Variants in OTUD7B observed in about 807,000 individuals in gnomAD.
OTUD7B encodes the protein OTU deubiquitinase 7B, also known as OTU domain-containing protein 7B.
Under a neutral mutation model 82.2 loss-of-function variants are expected in OTUD7B, and 34 were observed. The observed-to-expected ratio is 0.41, with a 90% CI of 0.31 to 0.55. The LOEUF (loss-of-function observed/expected upper bound fraction) is 0.55, where lower values mean the gene tolerates loss of function less well. OTUD7B is among the 20% of genes least tolerant of loss of function. The probability of loss-of-function intolerance (pLI) is 0.20; values close to 1 mark genes in which losing one functional copy is unlikely to be tolerated. For synonymous variants in OTUD7B, 398 were observed against 402.7 expected, an observed-to-expected ratio of 0.99 and a Z score of 0.14; for missense variants, 944 against 1,062.1, an observed-to-expected ratio of 0.89 and a Z score of 1.55.
At chr1:149,949,109 A>C (rs1477197140) in intron 9 of OTUD7B, 26 bp from the exon 10 acceptor site, 4 of 1,373,970 alleles carry the variant, frequency 2.9e-6, no homozygotes, top group Non-Finnish European at 4.2e-6. Flanking sequence ...CATATCATCA[A>C]GGAATCTCCT....
At chr1:150,005,960 C>T (rs1652635441) in intron 1 of OTUD7B, among the ~76,000 whole-genome samples, 1 of 152,158 alleles carries the variant, frequency 6.6e-6, no homozygotes, top group African/African-American at 2.4e-5. Context: ...GGTCTATCAA[C>T]ATATTCAGTG....
chr1:149,965,616 G>A (rs1649474206), intron 5 of OTUD7B, among the ~76,000 whole-genome samples, 161 bp downstream of exon 5: 1 of 152,122 alleles, frequency 6.6e-6, no homozygotes, highest in Non-Finnish European at 1.5e-5. Flanking sequence ...TTCCTCTTGT[G>A]CCAACATAAA....
chr1:150,032,879 C>G, the OTUD7B span, among the ~76,000 whole-genome samples: 1 of 152,160 alleles, frequency 6.6e-6, no homozygotes, highest in East Asian at 1.9e-4. Flanking sequence ...GGAATATAAA[C>G]TCTCCAGTTC....
intron 1 of OTUD7B, among the ~76,000 whole-genome samples, chr1:150,008,259 C>G (rs1245755057): frequency 6.6e-6 from 1 of 152,170 alleles, no homozygotes; most frequent in African/African-American, 2.4e-5. Flanking sequence ...ATAGAATTTA[C>G]CCAGATATCA....
chr1:150,025,753 A>G, the OTUD7B span, among the ~76,000 whole-genome samples: 1 of 152,196 alleles, frequency 6.6e-6, no homozygotes, highest in African/African-American at 2.4e-5. Context: ...CAAATACATT[A>G]TGTCTAATAT....
At chr1:149,977,371 T>G in intron 2 of OTUD7B, 55 bp downstream of exon 2, 1 of 1,275,504 alleles carries the variant, frequency 7.8e-7, no homozygotes, top group Non-Finnish European at 1.1e-6. Context: ...ATCATCCTAA[T>G]GATAAATACC....
At chr1:149,990,509 T>C (rs930282148) in intron 1 of OTUD7B, among the ~76,000 whole-genome samples, 5 of 152,226 alleles carry the variant, frequency 3.3e-5, no homozygotes, top group African/African-American at 1.2e-4. Context: ...TCAAGATGTA[T>C]AAATAGGTCT....
chr1:150,012,120 G>A (rs1344310559), upstream of OTUD7B, among the ~76,000 whole-genome samples: 5 of 152,194 alleles, frequency 3.3e-5, no homozygotes, highest in African/African-American at 7.2e-5. Context: ...GGCTTCAAGC[G>A]TATAAGGGAC....
At chr1:150,024,566 TACA>T in the OTUD7B span, among the ~76,000 whole-genome samples, 1 of 152,200 alleles carries the variant, frequency 6.6e-6, no homozygotes, top group Non-Finnish European at 1.5e-5. Flanking sequence ...GCCTAAGATA[TACA>T]ACAAGAATTA....
intron 2 of OTUD7B, among the ~76,000 whole-genome samples, chr1:149,971,523 G>A (rs1179973399): frequency 6.6e-6 from 1 of 152,000 alleles, no homozygotes; most frequent in Non-Finnish European, 1.5e-5. Context: ...TCTAGTAACC[G>A]AAAATTAAAA....
At chr1:150,018,732 A>G in the OTUD7B span, among the ~76,000 whole-genome samples, 2 of 152,100 alleles carry the variant, frequency 1.3e-5, no homozygotes, top group Non-Finnish European at 2.9e-5. Context: ...AAAAAGACAA[A>G]AGGTGTAAAG....
the OTUD7B span, among the ~76,000 whole-genome samples, chr1:150,022,396 CAAAAAAAAAAAAAA>C: frequency 1.2e-3 from 7 of 6,062 alleles, 1 homozygote; most frequent in Admixed American, 0.018. Flanking sequence ...AAACTCTCTA[CAAAAAAAAAAAAAA>C]AAAAAAAAAA....
chr1:149,991,483 C>T (rs1234541107), intron 1 of OTUD7B, among the ~76,000 whole-genome samples: 1 of 152,120 alleles, frequency 6.6e-6, no homozygotes, highest in Non-Finnish European at 1.5e-5. Flanking sequence ...ATTAATATTT[C>T]ACATTTGGGT....
rs2092739762 is a variant in OTUD7B, at chr1:149,938,358, G to C, written c.*5499C>G. 1 of 150,740 alleles carries C rather than the reference G, an allele frequency of 6.6e-6. No individual in the cohort carries two copies. The highest frequency in any genetic ancestry group is 1.5e-5 in the Non-Finnish European group (1 of 68,014). 9.3% of individuals were successfully genotyped at this position (150,740 alleles called of 1,614,324 possible). On this transcript the variant is annotated 3_prime_UTR_variant, in exon 12 of 12. Coordinates refer to ENST00000581312, the MANE Select transcript of OTUD7B (RefSeq NM_020205.4). The stretch of plus-strand genomic sequence containing the variant: ...CACCTATAATCCCAGCTACTTGGGA[G>C]GCTGAGGCAGGAGAATCGCTTGAAC...
At chr1:149,963,347 A>G (rs1397724640) in intron 6 of OTUD7B, 2 of 152,164 alleles carry the variant, frequency 1.3e-5, no homozygotes, top group Non-Finnish European at 2.9e-5. Flanking sequence ...AGGGAGCCTC[A>G]TTATTTTTAT....
At chr1:150,019,022 C>A in the OTUD7B span, among the ~76,000 whole-genome samples, 1 of 152,154 alleles carries the variant, frequency 6.6e-6, no homozygotes, top group Non-Finnish European at 1.5e-5. Context: ...CTATGGAATA[C>A]CCCGATCTAG....
At chr1:150,027,727 T>TAAA in the OTUD7B span, among the ~76,000 whole-genome samples, 2,967 of 145,954 alleles carry the variant, frequency 0.02, 90 homozygotes, top group African/African-American at 0.067. Context: ...GGATAACTGC[T>TAAA]AAAAAAAAAA....
At chr1:149,955,481 A>G (rs1358160199) in intron 7 of OTUD7B, among the ~76,000 whole-genome samples, 2 of 152,194 alleles carry the variant, frequency 1.3e-5, no homozygotes, top group Non-Finnish European at 2.9e-5. Flanking sequence ...CAATTTTGGA[A>G]TAAGTGTGAT....
the OTUD7B span, among the ~76,000 whole-genome samples, chr1:150,059,048 C>CTTTT: frequency 2.9e-3 from 403 of 140,836 alleles, 3 homozygotes; most frequent in African/African-American, 9.9e-3. Context: ...TTCTTACTTT[C>CTTTT]TTTTCTTTTT....
Sources: gnomAD v4.1 joint callset for allele counts (sites outside exome capture counted in the v4.1 genomes callset) on GRCh38, gnomAD v4.1.1 for gene constraint, MANE v1.5 for transcripts, NCBI Gene and HGNC (gene_info 2026-07-23, HGNC 2026-07-21) for gene names.